The following ANKRD31 variants were observed in gnomAD, a reference collection of about 807,000 sequenced individuals.
ANKRD31 encodes the protein ankyrin repeat domain-containing protein 31.
In ANKRD31, 147 loss-of-function variants were observed where a neutral mutation model predicts 186.0. That is an observed-to-expected ratio of 0.79 (90% CI 0.69 to 0.91). ANKRD31 has a LOEUF of 0.91. Among genes scored for constraint, ANKRD31 ranks in the 40% least tolerant of loss-of-function variants. The pLI, the probability that ANKRD31 is intolerant of heterozygous loss-of-function variation, is 0.00. For synonymous variants in ANKRD31, 673 were observed against 736.4 expected, an observed-to-expected ratio of 0.91 and a Z score of 1.39; for missense variants, 1,986 against 2,148.8, an observed-to-expected ratio of 0.92 and a Z score of 1.50.
intron 22 of ANKRD31, among the ~76,000 whole-genome samples, chr5:75,102,300 TC>T (rs1277566733): frequency 6.6e-6 from 1 of 152,140 alleles, no homozygotes; most frequent in African/African-American, 2.4e-5. Context: ...GGAAGCTTCG[TC>T]TCAGAGGGGC....
intron 5 of ANKRD31, among the ~76,000 whole-genome samples, chr5:75,205,450 C>T (rs903387417): frequency 6.6e-6 from 1 of 152,164 alleles, no homozygotes; most frequent in Admixed American, 6.5e-5. Flanking sequence ...TGTTCAGGCT[C>T]ATCCTGATAT....
intron 17 of ANKRD31, among the ~76,000 whole-genome samples, chr5:75,131,676 T>G (rs1305749267): frequency 2.0e-5 from 3 of 152,182 alleles, no homozygotes; most frequent in African/African-American, 7.2e-5. Context: ...TCTCCCAGCA[T>G]GGAGTTTGAG....
chr5:75,178,671 GT>G (rs1754019976), intron 10 of ANKRD31, among the ~76,000 whole-genome samples: 1 of 152,084 alleles, frequency 6.6e-6, no homozygotes, highest in Admixed American at 6.6e-5. Context: ...AAATAAAGAT[GT>G]TCTTTGAAAC....
intron 17 of ANKRD31, among the ~76,000 whole-genome samples, chr5:75,119,629 T>C (rs1748589758): frequency 6.6e-6 from 1 of 152,226 alleles, no homozygotes; most frequent in Admixed American, 6.5e-5. Flanking sequence ...ATGGAATTGC[T>C]AGGTTGAATG....
intron 17 of ANKRD31, among the ~76,000 whole-genome samples, chr5:75,132,413 A>G (rs1195647684): frequency 6.6e-6 from 1 of 152,238 alleles, no homozygotes; most frequent in African/African-American, 2.4e-5. Context: ...GAAAAAGGGT[A>G]TCAGTGATTG....
Position 75,206,424 on chromosome 5 carries a change from G to A in ANKRD31, c.390C>T (p.His130=), listed in dbSNP as rs1344519559. The change falls in exon 5 of 26, where the codon CAC becomes CAT. Residue 130 remains histidine (H), a synonymous_variant. Coordinates refer to ENST00000506364, the MANE Select transcript of ANKRD31 (RefSeq NM_001372053.1). ...SFRQSGLSLN[H]QNIEGPEAES... ...ATGAAAACATACCTTCAATATTTTG[G>A]TGGTTCAATGAAAGTCCAGACTGGC... is the stretch of plus-strand genomic sequence containing the variant. 2.7e-6 allele frequency: 4 copies of A among 1,473,572 alleles called. No individual in the cohort carries two copies. The highest frequency in any genetic ancestry group is 2.5e-5 in the Admixed American group (1 of 40,548). The allele number at this position is 1,473,572 out of a possible 1,614,324, so 91.3% of individuals were successfully genotyped here. A position where few individuals can be genotyped will look rare whatever the true frequency, so the allele number is the denominator to read the frequency against.
intron 5 of ANKRD31, among the ~76,000 whole-genome samples, chr5:75,203,050 G>A (rs1755917569): frequency 1.3e-5 from 2 of 152,166 alleles, no homozygotes; most frequent in South Asian, 4.1e-4. Flanking sequence ...GGGCCCAAGG[G>A]ATCCCCCCAA....
rs186988638 is a variant in ANKRD31 at position 75,146,995 on chromosome 5, T to C, written c.2416A>G (p.Lys806Glu). The change falls in exon 14 of 26, where the codon AAA becomes GAA. Residue 806 changes from lysine (K) to glutamate (E), a missense_variant. Transcript: ENST00000506364. ...DSSTEACSVS[K>E]EKHIQNLDLS... ...TCCAGGTTCTGGATGTGTTTCTCTT[T>C]GGAAACTGAACAAGCCTCAGTACTG... 2.0e-6 allele frequency: 3 copies of C among 1,536,404 alleles called. No individual in the cohort carries two copies. In the African/African-American group the frequency reaches 4.1e-5, roughly 21 times the overall value.
chr5:75,177,139 GA>G, intron 10 of ANKRD31, among the ~76,000 whole-genome samples: 1 of 152,282 alleles, frequency 6.6e-6, no homozygotes, highest in Non-Finnish European at 1.5e-5. Context: ...ATCAGCGATG[GA>G]AGACGAAATG....
chr5:75,108,278 G>A (rs2150064796), intron 20 of ANKRD31, among the ~76,000 whole-genome samples: 2 of 151,874 alleles, frequency 1.3e-5, no homozygotes, highest in African/African-American at 4.8e-5. Context: ...CATTTACATT[G>A]TACTATATGA....
intron 23 of ANKRD31, among the ~76,000 whole-genome samples, chr5:75,088,466 T>G (rs984293639): frequency 6.6e-6 from 1 of 152,240 alleles, no homozygotes; most frequent in Admixed American, 6.5e-5. Context: ...TCCATTCTTA[T>G]GATTCTTATG....
chr5:75,120,816 G>A (rs1239157464), intron 17 of ANKRD31, among the ~76,000 whole-genome samples: 4 of 152,130 alleles, frequency 2.6e-5, no homozygotes, highest in Admixed American at 6.6e-5. Flanking sequence ...AAAAGATATA[G>A]ATAGGCAGAA....
chr5:75,193,487 A>G lies in ANKRD31; in HGVS notation c.1122T>C (p.Asn374=). ...SNKRNSNSVT[N]SSDQETACVL... is the part of the protein sequence containing the mutation. ...CACACGCAGTTTCCTGATCAGAGCT[A>G]TTTGTCACTGAATTTGAATTTCTCT... Residue 374 remains asparagine (N), a synonymous_variant, in exon 8 of 26, where the codon AAT becomes AAC. Transcript: ENST00000506364. 2 of 1,537,248 alleles carry G rather than the reference A, an allele frequency of 1.3e-6. No individual in the cohort carries two copies. Among genetic ancestry groups the G allele is most frequent in the African/African-American group, 1.4e-5 (1 of 73,114 alleles).
intron 12 of ANKRD31, 23 bp downstream of exon 12, chr5:75,154,178 A>G: frequency 6.9e-7 from 1 of 1,441,786 alleles, no homozygotes; most frequent in Non-Finnish European, 9.1e-7. Context: ...ACAAATAGCT[A>G]TTACAGGGCA....
At chr5:75,172,464 A>G (rs556769430) in intron 10 of ANKRD31, among the ~76,000 whole-genome samples, 70 of 152,144 alleles carry the variant, frequency 4.6e-4, no homozygotes, top group Middle Eastern at 3.4e-3. Flanking sequence ...TTTTTTGAAA[A>G]GATCAACAAA....
intron 23 of ANKRD31, among the ~76,000 whole-genome samples, chr5:75,088,653 C>T (rs569678481): frequency 6.6e-6 from 1 of 152,240 alleles, no homozygotes; most frequent in East Asian, 1.9e-4. Context: ...TCTCTTGTGC[C>T]TTCATAAATA....
At chr5:75,200,651 G>A (rs947279650) in intron 5 of ANKRD31, among the ~76,000 whole-genome samples, 6 of 150,964 alleles carry the variant, frequency 4.0e-5, no homozygotes, top group Admixed American at 1.3e-4. Flanking sequence ...AGTGGCTCAC[G>A]CCTGTAATCC....
At chr5:75,225,125 G>T (rs796689668) in intron 2 of ANKRD31, among the ~76,000 whole-genome samples, 1 of 152,040 alleles carries the variant, frequency 6.6e-6, no homozygotes, top group Admixed American at 6.6e-5. Flanking sequence ...CATCTTTTTT[G>T]GGGGAAATAT....
chr5:75,187,002 TGTGTGTGTATGAGACACAGA>T (rs1352171932), intron 10 of ANKRD31, among the ~76,000 whole-genome samples: 9 of 149,018 alleles, frequency 6.0e-5, no homozygotes, highest in African/African-American at 2.3e-4. Context: ...AGAGTGAGTG[TGTGTGTGTATGAGACACAGA>T]GTGTGTGTGT....
Sources: allele counts gnomAD v4.1 joint callset (sites outside exome capture counted in the v4.1 genomes callset), GRCh38; gene constraint gnomAD v4.1.1; transcripts MANE v1.5; gene names NCBI Gene and HGNC (gene_info 2026-07-23, HGNC 2026-07-21).